DIS3L2: variants seen among roughly 807,000 people sequenced by gnomAD.
DIS3L2 encodes DIS3-like exonuclease 2.
A neutral mutation model predicts 97.5 loss-of-function variants in DIS3L2; 34 were observed. The observed-to-expected ratio is 0.35, with a 90% CI of 0.27 to 0.46. The LOEUF (loss-of-function observed/expected upper bound fraction) is 0.46. DIS3L2 is among the 20% of genes least tolerant of loss of function. The pLI is 1.00. For missense variants in DIS3L2, 1,038 were observed against 1,146.0 expected, an observed-to-expected ratio of 0.91 and a Z score of 1.36; for synonymous variants, 435 against 445.2, an observed-to-expected ratio of 0.98 and a Z score of 0.29.
rs766629924 is a variant in DIS3L2, at chr2:232,210,363, C to G, written c.1162C>G (p.Arg388Gly). 1 of 1,613,694 alleles carries G rather than the reference C, an allele frequency of 6.2e-7. No homozygotes were observed. The highest frequency in any genetic ancestry group is 1.1e-5 in the South Asian group (1 of 91,062). Residue 388 changes from arginine to glycine, a missense_variant, in exon 10 of 21, where the codon CGA becomes GGA. Physicochemically the swap from Arg to Gly is moderately radical, Grantham distance 125 (BLOSUM62 -2). Transcript: ENST00000325385. ...CIFTIDPSTARDLDDALSCKP... is the reference protein window; with the variant it reads ...CIFTIDPSTAGDLDDALSCKP... Reference sequence around the variant, plus strand: ...CTTCACCATTGACCCATCAACCGCCCGAGACCTCGATGATGCCCTCTCCTG... The same window carrying G: ...CTTCACCATTGACCCATCAACCGCCGGAGACCTCGATGATGCCCTCTCCTG...
chr2:232,071,553 A>G (rs1696019035), intron 5 of DIS3L2, among the ~76,000 whole-genome samples: 1 of 151,940 alleles, frequency 6.6e-6, no homozygotes, highest in South Asian at 2.1e-4. Context: ...GAAACCTGTT[A>G]TTGAGCTGGT....
rs113923666 is a variant in DIS3L2 at position 232,166,454 on chromosome 2, G to A, written c.1124+2822G>A. On this transcript the variant is annotated intron_variant, in intron 9 of 20. Transcript: ENST00000325385. ...AAAAATTACTTTTGGGCCGGGCGCCGTGGCTCAACGCCTGTAATCCTAGCA... is the reference window on the plus strand; with the variant it reads ...AAAAATTACTTTTGGGCCGGGCGCCATGGCTCAACGCCTGTAATCCTAGCA... 7.5e-3 allele frequency among the ~76,000 whole-genome samples: 1,145 copies of A among 152,188 alleles called. 13 individuals carry two copies. Among genetic ancestry groups the A allele is most frequent in the Non-Finnish European group, 8.6e-3 (584 of 67,962 alleles).
intron 13 of DIS3L2, among the ~76,000 whole-genome samples, chr2:232,274,166 G>A (rs1694080178): frequency 6.6e-6 from 1 of 152,114 alleles, no homozygotes; most frequent in East Asian, 1.9e-4. Flanking sequence ...GAACTTCCAG[G>A]GGTGAGCAGA....
intron 6 of DIS3L2, among the ~76,000 whole-genome samples, chr2:232,109,718 A>G (rs1005879950): frequency 1.3e-5 from 2 of 152,222 alleles, no homozygotes; most frequent in African/African-American, 2.4e-5. Context: ...AATCAACTCA[A>G]GATGGATTAA....
chr2:232,200,161 A>G (rs1382341468), intron 9 of DIS3L2, among the ~76,000 whole-genome samples: 2 of 152,174 alleles, frequency 1.3e-5, no homozygotes, highest in East Asian at 3.8e-4. Flanking sequence ...GGAATGGGGG[A>G]GATAAGAACT....
chr2:232,339,269 G>A (rs753949933), downstream of DIS3L2, among the ~76,000 whole-genome samples: 23 of 152,370 alleles, frequency 1.5e-4, no homozygotes, highest in Non-Finnish European at 2.8e-4. Context: ...AGGGAGGAAC[G>A]GGCATGAAGC....
chr2:232,224,337 CAT>C (rs1464030430), intron 10 of DIS3L2, among the ~76,000 whole-genome samples: 1 of 152,058 alleles, frequency 6.6e-6, no homozygotes, highest in African/African-American at 2.4e-5. Context: ...TTATACCACA[CAT>C]AAAAATGAAT....
At chr2:232,066,847 G>T (rs994840219) in intron 5 of DIS3L2, among the ~76,000 whole-genome samples, 3 of 151,658 alleles carry the variant, frequency 2.0e-5, no homozygotes, top group East Asian at 1.9e-4. Flanking sequence ...GTTTCTTCTT[G>T]TATCTGTCTT....
chr2:232,105,758 C>T (rs1340498624), intron 6 of DIS3L2, among the ~76,000 whole-genome samples: 2 of 152,224 alleles, frequency 1.3e-5, no homozygotes, highest in Non-Finnish European at 2.9e-5. Context: ...CACAAATGTT[C>T]ATCCTGTTAT....
At chr2:232,215,431 C>T (rs1451147076) in intron 10 of DIS3L2, among the ~76,000 whole-genome samples, 4 of 152,146 alleles carry the variant, frequency 2.6e-5, no homozygotes, top group Non-Finnish European at 5.9e-5. Context: ...CCTAAGGGGC[C>T]TCTGGGGTGG....
intron 2 of DIS3L2, among the ~76,000 whole-genome samples, chr2:232,015,203 C>T (rs1159660484): frequency 1.3e-5 from 2 of 152,172 alleles, no homozygotes; most frequent in Admixed American, 1.3e-4. Context: ...AGAAAAGTGG[C>T]AATCTTTTAG....
chr2:232,079,598 T>A (rs1336346767), intron 5 of DIS3L2, among the ~76,000 whole-genome samples: 2 of 34,736 alleles, frequency 5.8e-5, no homozygotes, highest in African/African-American at 3.2e-4. Flanking sequence ...AGACTCTATC[T>A]CAAAAAAAAA....
intron 13 of DIS3L2, among the ~76,000 whole-genome samples, chr2:232,266,170 C>T (rs1208999620): frequency 1.3e-5 from 2 of 152,170 alleles, no homozygotes; most frequent in Non-Finnish European, 2.9e-5. Flanking sequence ...GATCCCAGCT[C>T]ATATGAGGAT....
chr2:231,966,687 G>T (rs1395539470), intron 1 of DIS3L2, among the ~76,000 whole-genome samples: 4 of 101,568 alleles, frequency 3.9e-5, no homozygotes, highest in East Asian at 2.6e-4. Flanking sequence ...TGGAGACAGG[G>T]TCTTGCTATG....
chr2:232,263,255 C>G lies in DIS3L2; in HGVS notation c.1474C>G (p.Leu492Val). 1 of 1,614,244 alleles carries G rather than the reference C, an allele frequency of 6.2e-7. No individual in the cohort carries two copies. ...GRTIIRSCTK[L>V]SYEHAQSMIE... ...GACCATCATCCGCTCCTGCACCAAA[C>G]TTAGCTACGAGCATGCACAGAGCAT... Residue 492 changes from leucine to valine, a missense_variant, in exon 13 of 21, where the codon CTT becomes GTT. Physicochemically the swap from Leu to Val is conservative, Grantham distance 32. Transcript: ENST00000325385.
At chr2:232,224,646 C>G (rs916952779) in intron 10 of DIS3L2, among the ~76,000 whole-genome samples, 14 of 151,988 alleles carry the variant, frequency 9.2e-5, no homozygotes, top group African/African-American at 3.1e-4. Context: ...CGACACCAGC[C>G]TGGTCAACAT....
intron 5 of DIS3L2, among the ~76,000 whole-genome samples, chr2:232,039,816 A>G (rs1305652880): frequency 6.6e-6 from 1 of 152,214 alleles, no homozygotes; most frequent in Non-Finnish European, 1.5e-5. Flanking sequence ...CTTGACTTAC[A>G]GCTTAATATC....
intron 6 of DIS3L2, among the ~76,000 whole-genome samples, chr2:232,127,583 G>A (rs1035241123): frequency 6.6e-6 from 1 of 152,162 alleles, no homozygotes; most frequent in African/African-American, 2.4e-5. Flanking sequence ...GGGCAATGTT[G>A]CTGTCTTGCA....
intron 14 of DIS3L2, 87 bp from the exon 15 acceptor site, chr2:232,329,726 G>C: frequency 7.5e-7 from 1 of 1,328,510 alleles, no homozygotes; most frequent in African/African-American, 1.5e-5. Context: ...GTGATTGATA[G>C]AGAGCCAGGC....
Sources: gnomAD v4.1 joint callset for allele counts (sites outside exome capture counted in the v4.1 genomes callset) on GRCh38, gnomAD v4.1.1 for gene constraint, MANE v1.5 for transcripts, NCBI Gene and HGNC (gene_info 2026-07-23, HGNC 2026-07-21) for gene names.